Variants in CFAP20DC observed in about 807,000 individuals in gnomAD.
The protein encoded by CFAP20DC is protein CFAP20DC.
Under a neutral mutation model 101.7 loss-of-function variants are expected in CFAP20DC, and 84 were observed. The ratio of observed to expected loss-of-function variants is 0.83; its 90% CI spans 0.69 to 0.99. The LOEUF (loss-of-function observed/expected upper bound fraction) is 0.99, where lower values mean the gene tolerates loss of function less well. Ranked by LOEUF, CFAP20DC falls within the 50% of genes least tolerant of loss-of-function variation. CFAP20DC has a pLI of 0.00. For synonymous variants in CFAP20DC, 359 were observed against 351.2 expected, an observed-to-expected ratio of 1.02 and a Z score of -0.25; for missense variants, 1,007 against 970.3, an observed-to-expected ratio of 1.04 and a Z score of -0.50.
intron 13 of CFAP20DC, among the ~76,000 whole-genome samples, chr3:58,834,383 C>A (rs946767394): frequency 2.0e-5 from 3 of 152,122 alleles, no homozygotes; most frequent in African/African-American, 7.2e-5. Flanking sequence ...ATTGCCAATA[C>A]ACACTTTTAC....
In CFAP20DC at chr3:58,894,085, T is replaced by G. The variant is rs1031069607; in HGVS notation, c.551-9376A>C. Among the ~76,000 whole-genome samples the G allele has an allele frequency of 6.6e-6, 1 of 152,046 alleles. No individual in the cohort carries two copies. The highest frequency in any genetic ancestry group is 1.5e-5 in the Non-Finnish European group (1 of 67,988). On this transcript the variant is annotated intron_variant, in intron 6 of 16. Transcript: ENST00000482387. The surrounding 1 kb of genome is among the most constrained non-coding windows in gnomAD (Gnocchi z 4.1). ...TACCTGCCCCCATGATGCAATTACCTCCTACTGAGTCCCTCCCACAACACG... is the reference window on the plus strand; with the variant it reads ...TACCTGCCCCCATGATGCAATTACCGCCTACTGAGTCCCTCCCACAACACG...
At position 59,002,918 on chromosome 3, in the gene CFAP20DC, G is replaced by T. The variant is rs775404557; in HGVS notation, c.278+36639C>A. ...GAAACTGAGGCTCCCAGAAAATGAAGTCACTTGCCCAAGGTCTTGGTTACT... is the reference window on the plus strand; with the variant it reads ...GAAACTGAGGCTCCCAGAAAATGAATTCACTTGCCCAAGGTCTTGGTTACT... On this transcript the variant is annotated intron_variant, in intron 4 of 16. Transcript: ENST00000482387. The surrounding 1 kb of genome is among the most constrained non-coding windows in gnomAD (Gnocchi z 4.5). 2.6e-5 allele frequency among the ~76,000 whole-genome samples: 4 copies of T among 152,104 alleles called. No individual in the cohort carries two copies. In the South Asian group the frequency reaches 8.3e-4, roughly 32 times the overall value.
intron 15 of CFAP20DC, among the ~76,000 whole-genome samples, chr3:58,767,917 AGTT>A (rs1249586670): frequency 6.6e-6 from 1 of 152,202 alleles, no homozygotes; most frequent in African/African-American, 2.4e-5. Context: ...ATCTTCAAGT[AGTT>A]TTGGCTGTTC....
chr3:58,999,843 TA>T (rs565894929), intron 4 of CFAP20DC, among the ~76,000 whole-genome samples: 6,955 of 76,764 alleles, frequency 0.091, 357 homozygotes, highest in African/African-American at 0.26. Context: ...GTCACTAATG[TA>T]AAAAAAAAAA....
chr3:59,042,313 G>A (rs1374609792), intron 3 of CFAP20DC, among the ~76,000 whole-genome samples: 38 of 152,174 alleles, frequency 2.5e-4, no homozygotes, highest in Non-Finnish European at 1.5e-5. Context: ...GCAAAGTAGA[G>A]AGGAAACCAA....
In CFAP20DC at chr3:58,840,226, A is replaced by G. The variant is rs1369850026; in HGVS notation, c.1972-8337T>C. 3.9e-5 allele frequency among the ~76,000 whole-genome samples: 6 copies of G among 152,238 alleles called. No homozygotes were observed. The East Asian group carries it at 7.7e-4, about 20-fold the overall frequency. On this transcript the variant is annotated intron_variant, in intron 13 of 16. Transcript: ENST00000482387. ...AAACTTGTCTTTTCTGAGACAAGGA[A>G]AGAGTGCAGTTTTGACAAAACATCA...
At chr3:58,813,935 G>C (rs2074893371) in intron 14 of CFAP20DC, among the ~76,000 whole-genome samples, 1 of 151,800 alleles carries the variant, frequency 6.6e-6, no homozygotes, top group African/African-American at 2.4e-5. Flanking sequence ...AGTGAAATTT[G>C]GTTCTATGAT....
At chr3:58,954,999 A>G (rs2090493932) in intron 4 of CFAP20DC, among the ~76,000 whole-genome samples, 1 of 152,100 alleles carries the variant, frequency 6.6e-6, no homozygotes, top group African/African-American at 2.4e-5. Context: ...AAAAACTAAA[A>G]AAAAAAAACT....
chr3:58,840,490 T>C (rs2077025314), intron 13 of CFAP20DC, among the ~76,000 whole-genome samples: 1 of 152,178 alleles, frequency 6.6e-6, no homozygotes, highest in Non-Finnish European at 1.5e-5. Context: ...TAAATAAATA[T>C]TTTTCTCTCT....
chr3:58,842,653 G>A (rs937851081), intron 13 of CFAP20DC, among the ~76,000 whole-genome samples: 24 of 152,348 alleles, frequency 1.6e-4, no homozygotes, highest in African/African-American at 4.8e-4. Flanking sequence ...TAACTGGGTG[G>A]AGCCCGCCAC....
intron 3 of CFAP20DC, among the ~76,000 whole-genome samples, chr3:59,042,554 A>G (rs1699492480): frequency 6.6e-6 from 1 of 152,064 alleles, no homozygotes; most frequent in Admixed American, 6.6e-5. Flanking sequence ...CACGAACGAG[A>G]AAAAGAGTAA....
At chr3:58,751,154 C>T (rs986463079) in intron 16 of CFAP20DC, among the ~76,000 whole-genome samples, 4 of 152,136 alleles carry the variant, frequency 2.6e-5, no homozygotes, top group Non-Finnish European at 5.9e-5. Flanking sequence ...GGAATTTGCA[C>T]AGGGCACCAA....
At chr3:58,731,859 A>G (rs2067652233) in intron 3 of CFAP20DC, among the ~76,000 whole-genome samples, 1 of 152,230 alleles carries the variant, frequency 6.6e-6, no homozygotes, top group African/African-American at 2.4e-5. Flanking sequence ...TTAGCCATCA[A>G]TAGAACCATT....
Position 58,942,421 on chromosome 3 carries a change from G to A in CFAP20DC, c.279-4659C>T, listed in dbSNP as rs553444150. 2.6e-5 allele frequency among the ~76,000 whole-genome samples: 4 copies of A among 152,350 alleles called. No homozygotes were observed. In the South Asian group the frequency reaches 8.3e-4, roughly 32 times the overall value. The stretch of plus-strand genomic sequence containing the variant: ...TTAGACAGTGGTTGCAGTCCATGGA[G>A]GGCAAGCCAAAGCAGGGTGGGGCGT... On this transcript the variant is annotated intron_variant, in intron 4 of 16. Transcript: ENST00000482387.
chr3:58,863,996 C>T lies in CFAP20DC; in HGVS notation c.1259-104G>A, dbSNP rs939140562. 29 of 1,155,414 alleles carry T rather than the reference C, an allele frequency of 2.5e-5. No homozygotes were observed. The highest frequency in any genetic ancestry group is 1.6e-4 in the African/African-American group (10 of 64,120). The allele number at this position is 1,155,414 out of a possible 1,614,324, so 71.6% of individuals were successfully genotyped here. On this transcript the variant is annotated intron_variant, in intron 11 of 16. Transcript: ENST00000482387. The surrounding 1 kb of genome is among the most constrained non-coding windows in gnomAD (Gnocchi z 5.9). ...AGTTTTTGAGACAGTCTCACTCTGC[C>T]GCCTAGGCTGCAGTGCAGTCACGCG... is the stretch of plus-strand genomic sequence containing the variant.
At chr3:58,951,937 G>A (rs776389596) in intron 4 of CFAP20DC, among the ~76,000 whole-genome samples, 1 of 152,114 alleles carries the variant, frequency 6.6e-6, no homozygotes, top group Non-Finnish European at 1.5e-5. Context: ...AGAATTTGGT[G>A]TTCCAAAGCT....
chr3:58,779,042 G>T (rs1371708716), intron 15 of CFAP20DC, among the ~76,000 whole-genome samples: 2 of 152,092 alleles, frequency 1.3e-5, no homozygotes, highest in Non-Finnish European at 2.9e-5. Context: ...TCAATGTCAG[G>T]ATCCAGAAAA....
At chr3:58,842,794 C>T (rs2108209578) in intron 13 of CFAP20DC, among the ~76,000 whole-genome samples, 1 of 152,324 alleles carries the variant, frequency 6.6e-6, no homozygotes, top group South Asian at 2.1e-4. Flanking sequence ...CAGTGGTTCT[C>T]CCAGCACGCA....
intron 6 of CFAP20DC, among the ~76,000 whole-genome samples, chr3:58,891,086 T>G (rs1264078705): frequency 2.6e-4 from 39 of 148,612 alleles, no homozygotes; most frequent in South Asian, 1.1e-3. Flanking sequence ...CTGGGAGGTG[T>G]AGGTTGTAGT....
Sources: allele counts gnomAD v4.1 joint callset (sites outside exome capture counted in the v4.1 genomes callset), GRCh38; gene constraint gnomAD v4.1.1; non-coding constraint Gnocchi (gnomAD v3.1); transcripts MANE v1.5; gene names NCBI Gene and HGNC (gene_info 2026-07-23, HGNC 2026-07-21).